The following SCFD2 variants were observed in gnomAD, a reference collection of about 807,000 sequenced individuals.
SCFD2 encodes the protein sec1 family domain-containing protein 2.
SCFD2 carries 54 observed loss-of-function variants against 58.9 expected under a neutral mutation model. That is an observed-to-expected ratio of 0.92 (90% CI 0.74 to 1.15). The LOEUF is 1.15. Among genes scored for constraint, SCFD2 ranks in the 50% most tolerant of loss-of-function variants. SCFD2 has a pLI of 0.00. For synonymous variants in SCFD2, 321 were observed against 335.9 expected (o/e 0.96, Z 0.49); for missense variants, 805 against 836.6 (o/e 0.96, Z 0.47).
intron 5 of SCFD2, among the ~76,000 whole-genome samples, chr4:53,132,908 GC>G (rs1244703662): frequency 6.6e-6 from 1 of 152,174 alleles, no homozygotes; most frequent in African/African-American, 2.4e-5. Flanking sequence ...GCAGAAATAT[GC>G]AGGTATACAT....
At chr4:52,927,823 G>C (rs1479893133) in intron 5 of SCFD2, among the ~76,000 whole-genome samples, 1 of 152,204 alleles carries the variant, frequency 6.6e-6, no homozygotes, top group Non-Finnish European at 1.5e-5. Context: ...TGAAGTGTGA[G>C]TGATTCCGGT....
intron 4 of SCFD2, among the ~76,000 whole-genome samples, chr4:53,179,606 A>T (rs918895879): frequency 6.6e-5 from 10 of 152,226 alleles, no homozygotes; most frequent in African/African-American, 2.4e-4. Flanking sequence ...TGAGCAAAAT[A>T]ACCAGCTAAC....
chr4:52,954,046 A>G (rs1416792265), intron 5 of SCFD2, among the ~76,000 whole-genome samples: 5 of 152,172 alleles, frequency 3.3e-5, no homozygotes, highest in African/African-American at 1.2e-4. Context: ...AGATGGGGAC[A>G]TTCCAAGTAC....
At chr4:53,287,268 A>T (rs2149082743) in intron 3 of SCFD2, among the ~76,000 whole-genome samples, 1 of 151,830 alleles carries the variant, frequency 6.6e-6, no homozygotes, top group East Asian at 1.9e-4. Flanking sequence ...CACTCCAATC[A>T]CCTGTGCCCT....
intron 5 of SCFD2, among the ~76,000 whole-genome samples, chr4:53,086,750 G>A (rs1724317034): frequency 6.6e-6 from 1 of 152,130 alleles, no homozygotes; most frequent in East Asian, 1.9e-4. Flanking sequence ...TGGAATTGGA[G>A]GTCATTATGT....
intron 5 of SCFD2, among the ~76,000 whole-genome samples, chr4:52,993,590 A>G (rs1487969638): frequency 3.3e-5 from 5 of 152,128 alleles, no homozygotes; most frequent in Admixed American, 3.3e-4. Context: ...TCTCTTCAAA[A>G]TGACTGCTTC....
At chr4:53,319,815 A>T (rs990904491) in intron 2 of SCFD2, among the ~76,000 whole-genome samples, 48 of 152,230 alleles carry the variant, frequency 3.2e-4, no homozygotes, top group African/African-American at 1.2e-3. Context: ...TACAGGCATG[A>T]GCCACTAGGC....
At chr4:53,102,122 T>A (rs1724847089) in intron 5 of SCFD2, among the ~76,000 whole-genome samples, 1 of 152,158 alleles carries the variant, frequency 6.6e-6, no homozygotes, top group East Asian at 1.9e-4. Context: ...GTGGAAATTA[T>A]TCTAGTATAT....
intron 5 of SCFD2, among the ~76,000 whole-genome samples, chr4:53,104,554 T>G (rs1429667213): frequency 1.3e-5 from 2 of 152,194 alleles, no homozygotes; most frequent in Non-Finnish European, 2.9e-5. Flanking sequence ...CTTTAAAAAG[T>G]CCACACTTTA....
chr4:53,225,548 G>A (rs1454278289), intron 4 of SCFD2, among the ~76,000 whole-genome samples: 2 of 152,118 alleles, frequency 1.3e-5, no homozygotes, highest in Non-Finnish European at 2.9e-5. Context: ...TTTTATCAAG[G>A]TGAGTTGATA....
At position 53,145,568 on chromosome 4, in the gene SCFD2, T is replaced by G. The variant is rs767433998; in HGVS notation, c.1326A>C (p.Ser442=). Residue 442 remains serine (S), a synonymous_variant, in exon 5 of 9, where the codon TCA becomes TCC. Transcript: ENST00000401642. ...GCTGATTTAACACAACGGACATTGC[T>G]GACTCCCCAATGCTCTAAAATAAAA... ...ERLLLQSIGE[S]AMSVVLNQLL... is the part of the protein sequence containing the mutation. 1 of 1,613,670 alleles carries G rather than the reference T, an allele frequency of 6.2e-7. No homozygotes were observed. The highest frequency in any genetic ancestry group is 8.5e-7 in the Non-Finnish European group (1 of 1,179,826).
At chr4:53,250,012 G>A (rs1201631289) in intron 4 of SCFD2, among the ~76,000 whole-genome samples, 2 of 152,124 alleles carry the variant, frequency 1.3e-5, no homozygotes, top group Non-Finnish European at 2.9e-5. Context: ...TGGCAAATTG[G>A]ATAAAGAGTC....
intron 2 of SCFD2, among the ~76,000 whole-genome samples, chr4:53,315,874 T>C (rs892082567): frequency 6.6e-6 from 1 of 152,196 alleles, no homozygotes; most frequent in African/African-American, 2.4e-5. Context: ...TAGGTAACGT[T>C]GTGGTTGCCC....
Position 53,341,494 on chromosome 4 carries a change from A to C in SCFD2, c.1007+11104T>G, listed in dbSNP as rs141286794. Among the ~76,000 whole-genome samples, 820 of 152,332 alleles carry C rather than the reference A, an allele frequency of 5.4e-3. 8 individuals carry two copies. Among genetic ancestry groups the C allele is most frequent in the African/African-American group, 0.019 (775 of 41,570 alleles). On this transcript the variant is annotated intron_variant, in intron 2 of 8. Coordinates refer to ENST00000401642, the MANE Select transcript of SCFD2 (RefSeq NM_152540.4). Reference sequence around the variant, plus strand: ...ATCTACGTCTGATTGGTGTACCTGAAAGTGACAGGGAGAATGGAACCAAGT... The same window carrying C: ...ATCTACGTCTGATTGGTGTACCTGACAGTGACAGGGAGAATGGAACCAAGT...
intron 5 of SCFD2, among the ~76,000 whole-genome samples, chr4:53,071,378 A>G (rs1244163052): frequency 1.3e-5 from 2 of 152,114 alleles, no homozygotes; most frequent in African/African-American, 4.8e-5. Flanking sequence ...AAACACATAC[A>G]AGGTTACATA....
At chr4:52,905,033 G>A (rs548858839) in intron 7 of SCFD2, among the ~76,000 whole-genome samples, 6 of 152,344 alleles carry the variant, frequency 3.9e-5, no homozygotes, top group South Asian at 2.1e-4. Flanking sequence ...TGGCTGAACC[G>A]TGATACACAC....
chr4:53,091,660 T>A (rs1306002824), intron 5 of SCFD2, among the ~76,000 whole-genome samples: 1 of 152,100 alleles, frequency 6.6e-6, no homozygotes, highest in Non-Finnish European at 1.5e-5. Context: ...ACCTAAAGTC[T>A]CTCCAGAGTC....
intron 4 of SCFD2, among the ~76,000 whole-genome samples, chr4:53,254,836 TTTTATTTTATTTTATTTTATTTTA>T (rs1421677511): frequency 4.4e-5 from 6 of 137,506 alleles, no homozygotes; most frequent in South Asian, 4.3e-4. Flanking sequence ...TTTTATTTTA[TTTTATTTTATTTTATTTTATTTTA>T]TTTATTTTAT....
chr4:53,336,233 C>A (rs1733678994), intron 2 of SCFD2, among the ~76,000 whole-genome samples: 1 of 151,980 alleles, frequency 6.6e-6, no homozygotes. Context: ...CAAAACTGAG[C>A]TCTAATATTG....
Sources: gnomAD v4.1 joint callset for allele counts (sites outside exome capture counted in the v4.1 genomes callset) on GRCh38, gnomAD v4.1.1 for gene constraint, MANE v1.5 for transcripts, NCBI Gene and HGNC (gene_info 2026-07-23, HGNC 2026-07-21) for gene names.